ATL3: variants seen among roughly 807,000 people sequenced by gnomAD.
ATL3 encodes atlastin GTPase 3, also known as atlastin-3.
Under a neutral mutation model 69.5 loss-of-function variants are expected in ATL3, and 49 were observed. The ratio of observed to expected loss-of-function variants is 0.71; its 90% confidence interval spans 0.56 to 0.89. ATL3 has a LOEUF of 0.89. Ranked by LOEUF, ATL3 falls within the 40% of genes least tolerant of loss-of-function variation. The pLI is 0.00. For missense variants in ATL3, 606 were observed against 645.7 expected (o/e 0.94, Z 0.67); for synonymous variants, 214 against 224.1 (o/e 0.95, Z 0.40).
chr11:63,667,078 A>G (rs939173727), intron 1 of ATL3, among the ~76,000 whole-genome samples: 3 of 152,212 alleles, frequency 2.0e-5, no homozygotes, highest in Non-Finnish European at 2.9e-5. Context: ...GACATGAATC[A>G]TTCCCTTTTC....
intron 12 of ATL3, among the ~76,000 whole-genome samples, chr11:63,630,426 CAAAAAAAAA>C (rs758000337): frequency 9.6e-5 from 3 of 31,270 alleles, no homozygotes; most frequent in Non-Finnish European, 2.2e-4. Flanking sequence ...AAATCTGTCT[CAAAAAAAAA>C]AAAAAAAAAA....
At position 63,658,771 on chromosome 11, in the gene ATL3, C is replaced by G; in HGVS notation, c.395G>C (p.Gly132Ala). 1.3e-6 allele frequency: 2 copies of G among 1,599,896 alleles called. No homozygotes were observed. The highest frequency in any genetic ancestry group is 1.1e-5 in the South Asian group (1 of 87,296). ...WSEVFTVEKP[G>A]GKKVAVVLMD... The stretch of plus-strand genomic sequence containing the variant: ...CATTTTCATCCTTACCTTCTTCCCA[C>G]CTGGCTTCTCCACAGTGAAAACTTC... Residue 132 changes from glycine to alanine, a missense_variant, in exon 3 of 13, where the codon GGT (glycine) becomes GCT (alanine). Gly to Ala is a moderately conservative substitution (Grantham distance 60). Transcript: ENST00000398868.
At chr11:63,644,797 G>T (rs1430887123) in intron 6 of ATL3, among the ~76,000 whole-genome samples, 1 of 152,160 alleles carries the variant, frequency 6.6e-6, no homozygotes, top group Non-Finnish European at 1.5e-5. Context: ...TGTTCCCACA[G>T]GTTAGTAGGA....
chr11:63,636,822 C>A (rs527842215), intron 8 of ATL3, among the ~76,000 whole-genome samples: 2 of 152,068 alleles, frequency 1.3e-5, no homozygotes, highest in East Asian at 3.9e-4. Context: ...AAGTTGCTGA[C>A]AGATCTCTGT....
At position 63,625,338 on chromosome 11, in the gene ATL3, A is replaced by T. The variant is rs1354701185; in HGVS notation, c.*3981T>A. 6.6e-6 allele frequency: 1 copy of T among 152,322 alleles called. No individual in the cohort carries two copies. Among genetic ancestry groups the T allele is most frequent in the South Asian group, 2.1e-4 (1 of 4,830 alleles). The allele number at this position is 152,322 out of a possible 1,614,324, so 9.4% of individuals were successfully genotyped here. On this transcript the variant is annotated 3_prime_UTR_variant, in exon 13 of 13. Coordinates refer to ENST00000398868, the MANE Select transcript of ATL3 (RefSeq NM_015459.5). ...ATGGAAGATCAAATCATCCTAAATT[A>T]CATTTCAATAGTTCCAGGAAAGAAA...
At chr11:63,652,959 G>A (rs559159990) in intron 3 of ATL3, among the ~76,000 whole-genome samples, 8 of 151,590 alleles carry the variant, frequency 5.3e-5, no homozygotes, top group Admixed American at 2.0e-4. Context: ...TTGGGAGGCC[G>A]TGGCAGCAGC....
chr11:63,629,453 A>T, intron 12 of ATL3, 48 bp from the exon 13 acceptor site: 5 of 1,515,064 alleles, frequency 3.3e-6, no homozygotes, highest in Non-Finnish European at 4.6e-6. Flanking sequence ...AATACAACAC[A>T]GCAACAAGAA....
chr11:63,644,327 A>AAGATGTATTGCAGT, intron 6 of ATL3, 66 bp from the exon 7 acceptor site: 1 of 956,766 alleles, frequency 1.0e-6, no homozygotes, highest in Non-Finnish European at 1.7e-6. Flanking sequence ...AACAACTGCA[A>AAGATGTATTGCAGT]TACATCTTTG....
intron 6 of ATL3, among the ~76,000 whole-genome samples, chr11:63,645,720 T>C (rs924911665): frequency 2.0e-5 from 3 of 151,912 alleles, no homozygotes; most frequent in African/African-American, 7.3e-5. Context: ...CCCCACCGAG[T>C]AGCTGGGACT....
At chr11:63,670,805 C>T (rs1249164117) in intron 1 of ATL3, among the ~76,000 whole-genome samples, 1 of 152,222 alleles carries the variant, frequency 6.6e-6, no homozygotes, top group African/African-American at 2.4e-5. Flanking sequence ...TCCAGAAAGG[C>T]CAAATAAACC....
chr11:63,636,742 GAAA>G (rs35563503), intron 8 of ATL3, among the ~76,000 whole-genome samples: 1 of 142,840 alleles, frequency 7.0e-6, no homozygotes, highest in East Asian at 2.0e-4. Flanking sequence ...TCCATCTCAA[GAAA>G]AAAAAAAAAA....
intron 2 of ATL3, 31 bp downstream of exon 2, chr11:63,659,007 T>G: frequency 6.2e-7 from 1 of 1,609,750 alleles, no homozygotes; most frequent in Admixed American, 1.7e-5. Flanking sequence ...AAGTCTCACT[T>G]TTTACTTGAA....
At chr11:63,643,226 C>A in intron 8 of ATL3, 131 bp downstream of exon 8, 1 of 1,011,292 alleles carries the variant, frequency 9.9e-7, no homozygotes, top group Non-Finnish European at 1.4e-6. Flanking sequence ...AAAATCTGAA[C>A]TAGACTTTAA....
Position 63,640,280 on chromosome 11 carries a change from ATTTTTG to A in ATL3, c.850+3071_850+3076del, listed in dbSNP as rs377640115. ...TATTCCTTTCTGCAGATGTACCTTA[ATTTTTG>A]TTTTTGTTTTTGTTTTTTTGAGACA... On this transcript the variant is annotated intron_variant, in intron 8 of 12. Coordinates refer to ENST00000398868, the MANE Select transcript of ATL3 (RefSeq NM_015459.5). 2.8e-3 allele frequency among the ~76,000 whole-genome samples: 429 copies of A among 151,628 alleles called. 1 individual carries two copies. Among genetic ancestry groups the A allele is most frequent in the African/African-American group, 6.2e-3 (255 of 41,348 alleles).
upstream of ATL3, chr11:63,671,575 G>A (rs1234411055): frequency 2.3e-5 from 33 of 1,423,584 alleles, no homozygotes; most frequent in South Asian, 4.3e-5. Flanking sequence ...GGGCGGGAAA[G>A]CGCACGCGGC....
At chr11:63,630,847 A>C (rs532631049) in intron 12 of ATL3, among the ~76,000 whole-genome samples, 193 bp downstream of exon 12, 1 of 152,020 alleles carries the variant, frequency 6.6e-6, no homozygotes, top group Non-Finnish European at 1.5e-5. Flanking sequence ...AGACATGGAA[A>C]CAAAATATTA....
chr11:63,646,452 A>T, intron 6 of ATL3, 55 bp downstream of exon 6: 1 of 1,167,676 alleles, frequency 8.6e-7, no homozygotes, highest in Non-Finnish European at 1.2e-6. Context: ...GTAGTTTGCC[A>T]ATCTGTGAAA....
intron 6 of ATL3, among the ~76,000 whole-genome samples, chr11:63,644,988 G>A (rs975822342): frequency 6.6e-6 from 1 of 152,148 alleles, no homozygotes; most frequent in Non-Finnish European, 1.5e-5. Flanking sequence ...GGCTGAGGCA[G>A]GAGAATCACT....
chr11:63,671,228 A>G, intron 1 of ATL3, 62 bp downstream of exon 1: 1 of 1,516,732 alleles, frequency 6.6e-7, no homozygotes, highest in Admixed American at 2.2e-5. Flanking sequence ...TCTTTTCAGA[A>G]CTACAGCAGG....
Sources: gnomAD v4.1 joint callset for allele counts (sites outside exome capture counted in the v4.1 genomes callset) on GRCh38, gnomAD v4.1.1 for gene constraint, MANE v1.5 for transcripts, NCBI Gene and HGNC (gene_info 2026-07-23, HGNC 2026-07-21) for gene names.